KIF5C: variants seen among roughly 807,000 people sequenced by gnomAD.
KIF5C encodes kinesin heavy chain isoform 5C.
A neutral mutation model predicts 125.2 loss-of-function variants in KIF5C; 18 were observed. That is an observed-to-expected ratio of 0.14 (90% confidence interval 0.10 to 0.21). KIF5C has a LOEUF of 0.21. KIF5C is among the 10% of genes least tolerant of loss of function. The pLI, the probability that KIF5C is intolerant of heterozygous loss-of-function variation, is 1.00. For missense variants in KIF5C, 780 were observed against 1,183.8 expected, an observed-to-expected ratio of 0.66 and a Z score of 5.01; for synonymous variants, 405 against 434.0, an observed-to-expected ratio of 0.93 and a Z score of 0.83.
At chr2:148,903,002 G>A (rs1680964676) in intron 1 of KIF5C, among the ~76,000 whole-genome samples, 1 of 152,096 alleles carries the variant, frequency 6.6e-6, no homozygotes, top group Non-Finnish European at 1.5e-5. Context: ...ATGGAGCATT[G>A]GGTTGAGAGG....
rs1460437121 is a variant in KIF5C, at chr2:149,025,821, A to C, written c.*2751A>C. 3 of 152,660 alleles carry C rather than the reference A, an allele frequency of 2.0e-5. No homozygotes were observed. The highest frequency in any genetic ancestry group is 3.8e-4 in the East Asian group (2 of 5,202). 9.5% of individuals were successfully genotyped at this position (152,660 alleles called of 1,614,324 possible). A position where few individuals can be genotyped will look rare whatever the true frequency, so the allele number is the denominator to read the frequency against. On this transcript the variant is annotated 3_prime_UTR_variant, in exon 26 of 26. Transcript: ENST00000435030. ...AATGTGTTTTTGTCAATTACTAGAG[A>C]ATTCTGTGCAAACATATCATCTCTT... is the stretch of plus-strand genomic sequence containing the variant.
chr2:148,975,672 C>G (rs954877870), intron 12 of KIF5C, among the ~76,000 whole-genome samples: 2 of 152,212 alleles, frequency 1.3e-5, no homozygotes, highest in African/African-American at 4.8e-5. Context: ...GCCAGGGCTC[C>G]AAGCACAGGT....
At chr2:148,998,171 G>A in intron 18 of KIF5C, 3 of 611,116 alleles carry the variant, frequency 4.9e-6, no homozygotes, top group South Asian at 4.2e-5. Context: ...TTTAGTTGGT[G>A]GGCTAATTGG....
chr2:148,953,830 A>G (rs1055891048), intron 10 of KIF5C, among the ~76,000 whole-genome samples: 1 of 152,208 alleles, frequency 6.6e-6, no homozygotes, highest in Non-Finnish European at 1.5e-5. Context: ...TCAGGATTAT[A>G]GGTTAGATAC....
chr2:148,888,272 A>G (rs1681608566), intron 1 of KIF5C: 1 of 152,232 alleles, frequency 6.6e-6, no homozygotes, highest in Non-Finnish European at 1.5e-5. Context: ...GCCGTGATGC[A>G]AATCTGCCAC....
chr2:148,941,685 A>G (rs943634473), intron 5 of KIF5C, 27 bp downstream of exon 5: 3 of 1,551,904 alleles, frequency 1.9e-6, no homozygotes, highest in Admixed American at 2.0e-5. Flanking sequence ...CTTGTCCTTT[A>G]TTTGTTCTGT....
chr2:148,949,877 A>G lies in KIF5C; in HGVS notation c.753A>G (p.Glu251=). The G allele has an allele frequency of 1.2e-6, 2 of 1,613,814 alleles. No homozygotes were observed. The highest frequency in any genetic ancestry group is 1.7e-6 in the Non-Finnish European group (2 of 1,179,850). ...GTGCCGAGGGAGCTGTTCTTGACGA[A>G]GCTAAAAATATCAATAAGTCTTTGT... is the stretch of plus-strand genomic sequence containing the variant. The part of the protein sequence containing the change: ...KTGAEGAVLD[E]AKNINKSLSA... The change falls in exon 9 of 26, where the codon GAA becomes GAG. Residue 251 remains glutamate, a synonymous_variant. Coordinates refer to ENST00000435030, the MANE Select transcript of KIF5C (RefSeq NM_004522.3).
chr2:148,973,040 G>T (rs1680961147), intron 11 of KIF5C, among the ~76,000 whole-genome samples: 1 of 152,198 alleles, frequency 6.6e-6, no homozygotes, highest in Non-Finnish European at 1.5e-5. Context: ...AAAGCAAAAT[G>T]AATGTAAAGA....
Position 148,999,513 on chromosome 2 carries a change from C to T in KIF5C, c.2211-910C>T, listed in dbSNP as rs143240158. Among the ~76,000 whole-genome samples, 1,243 of 152,350 alleles carry T rather than the reference C, an allele frequency of 8.2e-3. 7 individuals carry two copies. Among genetic ancestry groups the T allele is most frequent in the Non-Finnish European group, 0.015 (1,003 of 68,046 alleles). ...AAGTCTAAATGGTGTGACCCAGGCT[C>T]GGTGCCCAGTTCCTGAAGGAAGGCA... On this transcript the variant is annotated intron_variant, in intron 19 of 25. Coordinates refer to ENST00000435030, the MANE Select transcript of KIF5C (RefSeq NM_004522.3).
chr2:148,897,477 C>T (rs1220550621), intron 1 of KIF5C, among the ~76,000 whole-genome samples: 1 of 152,174 alleles, frequency 6.6e-6, no homozygotes, highest in Non-Finnish European at 1.5e-5. Flanking sequence ...TGCTCCACCT[C>T]ACAGACATTA....
intron 22 of KIF5C, 81 bp from the exon 23 acceptor site, chr2:149,007,882 T>A (rs1483902671): frequency 7.4e-7 from 1 of 1,357,078 alleles, no homozygotes; most frequent in Non-Finnish European, 9.6e-7. Flanking sequence ...AATGGGGATT[T>A]TTTTTTTCCA....
At chr2:148,983,559 T>G (rs1681291949) in intron 14 of KIF5C, 61 bp from the exon 15 acceptor site, 2 of 1,473,836 alleles carry the variant, frequency 1.4e-6, no homozygotes, top group South Asian at 1.5e-5. Context: ...TTCTTTGTAA[T>G]GTGGAGTGTA....
chr2:148,998,655 C>A, intron 19 of KIF5C, 146 bp downstream of exon 19: 1 of 1,333,150 alleles, frequency 7.5e-7, no homozygotes, highest in Non-Finnish European at 1.0e-6. Context: ...GCTGGGCGGG[C>A]TGCTTCCAAG....
rs1215729542 is a variant in KIF5C, at chr2:148,973,533, G to C, written c.1293+22G>C. ...CAAGGTCTGTGGCCAGAGATTCATA[G>C]TTCTCATTCTGCTACAAAGATGAAA... On this transcript the variant is annotated intron_variant, in intron 12 of 25. Coordinates refer to ENST00000435030, the MANE Select transcript of KIF5C (RefSeq NM_004522.3). The C allele has an allele frequency of 4.4e-6, 7 of 1,587,094 alleles. 1 individual carries two copies. The South Asian group carries it at 8.2e-5, about 19-fold the overall frequency.
Position 148,875,575 on chromosome 2 carries a change from G to GCCC in KIF5C, c.-39_-37dup. ...TCCTCCCTCGTCGTTCCCGGCCCCG[G>GCCC]CCCCCCACCCATCCCCGTGCCCCCT... On this transcript the variant is annotated 5_prime_UTR_variant, in exon 1 of 26. Coordinates refer to ENST00000435030, the MANE Select transcript of KIF5C (RefSeq NM_004522.3). 3 of 699,596 alleles carry GCCC rather than the reference G, an allele frequency of 4.3e-6. No individual in the cohort carries two copies. Among genetic ancestry groups the GCCC allele is most frequent in the Admixed American group, 2.2e-5 (1 of 46,066 alleles). The allele number at this position is 699,596 out of a possible 1,614,324, so 43.3% of individuals were successfully genotyped here.
At chr2:148,987,061 C>T (rs954097408) in intron 15 of KIF5C, among the ~76,000 whole-genome samples, 11 of 152,122 alleles carry the variant, frequency 7.2e-5, no homozygotes, top group Admixed American at 6.5e-4. Flanking sequence ...TGCAGGGTGG[C>T]CACTCTTACA....
chr2:148,896,278 A>G (rs1229953595), intron 1 of KIF5C, among the ~76,000 whole-genome samples: 1 of 152,218 alleles, frequency 6.6e-6, no homozygotes, highest in Non-Finnish European at 1.5e-5. Flanking sequence ...TTGTGTGAGC[A>G]GTGAACAACA....
chr2:148,999,006 C>A (rs754279782), intron 19 of KIF5C, among the ~76,000 whole-genome samples: 1 of 152,186 alleles, frequency 6.6e-6, no homozygotes, highest in Admixed American at 6.5e-5. Flanking sequence ...CATGTGCTCA[C>A]TTCTTAGGGC....
In KIF5C at chr2:148,978,972, G is replaced by A. The variant is rs759117190; in HGVS notation, c.1344G>A (p.Gln448=). The A allele has an allele frequency of 4.4e-6, 7 of 1,591,954 alleles. No homozygotes were observed. The highest frequency in any genetic ancestry group is 1.7e-4 in the Middle Eastern group (1 of 6,012). The change falls in exon 13 of 26, where the codon CAG becomes CAA. Residue 448 remains glutamine, a synonymous_variant. Coordinates refer to ENST00000435030, the MANE Select transcript of KIF5C (RefSeq NM_004522.3). ...QSQLAEKLKQ[Q]MLDQDELLAS... ...AGCTGGCTGAAAAGCTGAAGCAACA[G>A]ATGTTGGATCAGGATGAGGTAAAGA...
Sources: gnomAD v4.1 joint callset for allele counts (sites outside exome capture counted in the v4.1 genomes callset) on GRCh38, gnomAD v4.1.1 for gene constraint, MANE v1.5 for transcripts, NCBI Gene and HGNC (gene_info 2026-07-23, HGNC 2026-07-21) for gene names.